Variants in PRDM7 observed in about 807,000 individuals in gnomAD.
PRDM7 encodes the protein PR/SET domain 7.
Under a neutral mutation model 64.3 loss-of-function variants are expected in PRDM7, and 52 were observed. The observed-to-expected ratio is 0.81, with a 90% CI of 0.65 to 1.02. The LOEUF (loss-of-function observed/expected upper bound fraction) is 1.02, where lower values mean the gene tolerates loss of function less well. PRDM7 is among the 50% of genes least tolerant of loss of function. The pLI is 0.00. For missense variants in PRDM7, 574 were observed against 597.1 expected, an observed-to-expected ratio of 0.96 and a Z score of 0.40; for synonymous variants, 192 against 210.1, an observed-to-expected ratio of 0.91 and a Z score of 0.74.
At chr16:90,068,507 C>T (rs1186765032) in intron 4 of PRDM7, among the ~76,000 whole-genome samples, 8 of 149,734 alleles carry the variant, frequency 5.3e-5, no homozygotes, top group African/African-American at 1.0e-4. Flanking sequence ...TGGTGACGGG[C>T]GCCTGTAGTC....
chr16:90,068,412 G>T (rs1325128594), intron 4 of PRDM7, among the ~76,000 whole-genome samples: 1 of 151,184 alleles, frequency 6.6e-6, no homozygotes, highest in African/African-American at 2.5e-5. Flanking sequence ...GAGGTGGGGG[G>T]ATCACGAGGT....
Position 90,060,534 on chromosome 16 carries a change from A to G in PRDM7, c.1040T>C (p.Ile347Thr), listed in dbSNP as rs2037756953. ...GACCAGCAGTTCACAGCCTGGCCTA[A>G]TGACTCGGCAGGTTCTATAGAAGAT... ...RQIFYRTCRV[I>T]RPGCELLVWS... The change falls in exon 10 of 11, where the codon ATT becomes ACT. Residue 347 changes from isoleucine (I) to threonine (T), a missense_variant. Coordinates refer to ENST00000449207, the MANE Select transcript of PRDM7 (RefSeq NM_001098173.2). The G allele has an allele frequency of 1.2e-6, 2 of 1,613,912 alleles. No homozygotes were observed. The highest frequency in any genetic ancestry group is 1.7e-6 in the Non-Finnish European group (2 of 1,179,924).
intron 6 of PRDM7, among the ~76,000 whole-genome samples, 182 bp from the exon 7 acceptor site, chr16:90,062,684 A>T (rs2037803594): frequency 6.6e-6 from 1 of 152,204 alleles, no homozygotes; most frequent in African/African-American, 2.4e-5. Flanking sequence ...GTAGATGCCT[A>T]TTCAATTTTA....
chr16:90,058,114 G>T lies in PRDM7; in HGVS notation c.*175C>A. ...CCCACACTCTCCATATTTGACTTTC[G>T]CAATTCTTGAGATTCCTACCCCCAC... On this transcript the variant is annotated 3_prime_UTR_variant, in exon 11 of 11. Coordinates refer to ENST00000449207, the MANE Select transcript of PRDM7 (RefSeq NM_001098173.2). The T allele has an allele frequency of 6.2e-7, 1 of 1,613,956 alleles. No individual in the cohort carries two copies. Among genetic ancestry groups the T allele is most frequent in the Non-Finnish European group, 8.5e-7 (1 of 1,179,926 alleles).
rs918401656 is a variant in PRDM7, at chr16:90,056,913, T to A, written c.*1376A>T. On this transcript the variant is annotated 3_prime_UTR_variant, in exon 11 of 11. Coordinates refer to ENST00000449207, the MANE Select transcript of PRDM7 (RefSeq NM_001098173.2). ...GTTCCTTGGTTTCAGGTCTGGTTCC[T>A]AGGCGCCAGGCTACCTGCCTTTAGT... 1 of 152,294 alleles carries A rather than the reference T, an allele frequency of 6.6e-6. No individual in the cohort carries two copies. The highest frequency in any genetic ancestry group is 1.5e-5 in the Non-Finnish European group (1 of 68,082). The allele number at this position is 152,294 out of a possible 1,614,324, so 9.4% of individuals were successfully genotyped here.
Position 90,061,975 on chromosome 16 carries a change from A to G in PRDM7, c.828T>C (p.Tyr276=). 1 of 1,614,270 alleles carries G rather than the reference A, an allele frequency of 6.2e-7. No homozygotes were observed. Among genetic ancestry groups the G allele is most frequent in the African/African-American group, 1.3e-5 (1 of 75,076 alleles). ...CTTCGTCTTCTGTAATTCGGCCCTC[A>G]TAGGGGCCAAAGTGCAGACCCAGTG... The part of the protein sequence containing the change: ...DLPLGLHFGP[Y]EGRITEDEEA... The change falls in exon 8 of 11, where the codon TAT becomes TAC. Residue 276 remains tyrosine, a synonymous_variant. Coordinates refer to ENST00000449207, the MANE Select transcript of PRDM7 (RefSeq NM_001098173.2).
chr16:90,072,932 G>C (rs1283556764), intron 4 of PRDM7, among the ~76,000 whole-genome samples: 1 of 152,202 alleles, frequency 6.6e-6, no homozygotes, highest in Non-Finnish European at 1.5e-5. Context: ...CAAATCCACA[G>C]ATGGGGAAAT....
At chr16:90,061,794 C>T (rs755070921) in intron 8 of PRDM7, 127 bp downstream of exon 8, 205 of 1,452,618 alleles carry the variant, frequency 1.4e-4, no homozygotes, top group Non-Finnish European at 1.8e-4. Context: ...CATGCAAAGA[C>T]CCTTGAGTAC....
rs1438979460 is a variant in PRDM7, at chr16:90,061,875, A to G, written c.882+46T>C. 6 of 1,611,660 alleles carry G rather than the reference A, an allele frequency of 3.7e-6. No homozygotes were observed. The South Asian group carries it at 4.4e-5, about 12-fold the overall frequency. ...GGTGATGTCCCATCAAAGGCACAGA[A>G]GGGATGTGGGAAGACAGAACAGGGG... On this transcript the variant is annotated intron_variant, in intron 8 of 10. Transcript: ENST00000449207.
chr16:90,059,057 A>G (rs2037726207), intron 10 of PRDM7, among the ~76,000 whole-genome samples: 1 of 152,168 alleles, frequency 6.6e-6, no homozygotes, highest in Non-Finnish European at 1.5e-5. Context: ...GAGATCCACA[A>G]ATGTGGTTAA....
At position 90,065,266 on chromosome 16, in the gene PRDM7, G is replaced by A. The variant is rs561643884; in HGVS notation, c.352-1498C>T. Reference sequence around the variant, plus strand: ...AAACTAGCCGGGTGTGGTGGCGGGCGCCTGTAATCCCAGCTACTCGGGAGG... The same window carrying A: ...AAACTAGCCGGGTGTGGTGGCGGGCACCTGTAATCCCAGCTACTCGGGAGG... On this transcript the variant is annotated intron_variant, in intron 5 of 10. Transcript: ENST00000449207. Among the ~76,000 whole-genome samples the A allele has an allele frequency of 8.6e-4, 128 of 148,544 alleles. 4 individuals carry two copies. Among genetic ancestry groups the A allele is most frequent in the African/African-American group, 3.1e-3 (122 of 39,264 alleles).
At chr16:90,065,930 G>T (rs1346085175) in intron 5 of PRDM7, among the ~76,000 whole-genome samples, 1 of 151,044 alleles carries the variant, frequency 6.6e-6, no homozygotes, top group East Asian at 1.9e-4. Context: ...AGCTGGGCTT[G>T]GGAGTTCTAA....
chr16:90,058,569 T>G, intron 10 of PRDM7, 35 bp from the exon 11 acceptor site: 1 of 1,595,050 alleles, frequency 6.3e-7, no homozygotes, highest in Non-Finnish European at 8.6e-7. Flanking sequence ...GGTAGATGTT[T>G]TGTTCAGGCC....
chr16:90,073,803 G>A (rs1318695009), intron 4 of PRDM7, among the ~76,000 whole-genome samples: 3 of 151,370 alleles, frequency 2.0e-5, no homozygotes, highest in Admixed American at 6.6e-5. Flanking sequence ...CCCCCGAGAC[G>A]GAGTCTTCTC....
chr16:90,068,887 C>T (rs1193710451), intron 4 of PRDM7, among the ~76,000 whole-genome samples: 3 of 151,158 alleles, frequency 2.0e-5, no homozygotes. Context: ...TGGAAGACAT[C>T]CTGTGTTCGT....
chr16:90,072,443 C>G (rs565522702), intron 4 of PRDM7, among the ~76,000 whole-genome samples: 1 of 152,220 alleles, frequency 6.6e-6, no homozygotes, highest in Admixed American at 6.5e-5. Flanking sequence ...ATGGGTGAAT[C>G]TTGGGAACAT....
intron 4 of PRDM7, among the ~76,000 whole-genome samples, chr16:90,067,454 TG>T (rs1195733670): frequency 1.3e-5 from 2 of 151,246 alleles, no homozygotes; most frequent in Non-Finnish European, 2.9e-5. Context: ...TCAGCCTATC[TG>T]TAAAGGTATA....
chr16:90,070,543 C>T (rs2037941456), intron 4 of PRDM7, among the ~76,000 whole-genome samples: 1 of 151,074 alleles, frequency 6.6e-6, no homozygotes, highest in African/African-American at 2.5e-5. Context: ...GAGATTGCAC[C>T]ACTGAACTCC....
chr16:90,070,083 G>C (rs1266037060), intron 4 of PRDM7: 3 of 153,032 alleles, frequency 2.0e-5, no homozygotes, highest in African/African-American at 7.5e-5. Context: ...ACAAAAAAAC[G>C]AAGAAAGAGT....
Sources: allele counts gnomAD v4.1 joint callset (sites outside exome capture counted in the v4.1 genomes callset), GRCh38; gene constraint gnomAD v4.1.1; transcripts MANE v1.5; gene names NCBI Gene and HGNC (gene_info 2026-07-23, HGNC 2026-07-21).